CTNNA3: variants seen among roughly 807,000 people sequenced by gnomAD.
The protein encoded by CTNNA3 is catenin alpha 3, also known as catenin alpha-3.
In CTNNA3, 76 loss-of-function variants were observed where a neutral mutation model predicts 95.7. That is an observed-to-expected ratio of 0.79 (90% CI 0.66 to 0.96). The LOEUF is 0.96. CTNNA3 is among the 40% of genes least tolerant of loss of function. The pLI, the probability that CTNNA3 is intolerant of heterozygous loss-of-function variation, is 0.00. For missense variants in CTNNA3, 1,191 were observed against 1,089.8 expected, an observed-to-expected ratio of 1.09 and a Z score of -1.31; for synonymous variants, 431 against 374.4, an observed-to-expected ratio of 1.15 and a Z score of -1.74.
chr10:67,359,874 A>T (rs1446676534), intron 5 of CTNNA3, among the ~76,000 whole-genome samples: 2 of 152,128 alleles, frequency 1.3e-5, no homozygotes, highest in Non-Finnish European at 2.9e-5. Context: ...GCTAAACAAG[A>T]AGATCATTCT....
rs1291076974 is a variant in CTNNA3 at position 67,579,028 on chromosome 10, T to C, written c.292+27829A>G. Among the ~76,000 whole-genome samples, 636 of 84,514 alleles carry C rather than the reference T, an allele frequency of 7.5e-3. 11 individuals are homozygous for C. Among genetic ancestry groups the C allele is most frequent in the East Asian group, 0.05 (27 of 544 alleles). 55.4% of individuals were successfully genotyped at this position (84,514 alleles called of 152,430 possible). A position where few individuals can be genotyped will look rare whatever the true frequency, so the allele number is the denominator to read the frequency against. ...ATATATATATATATATATATATATA[T>C]ATATACACACACACACATATATGCA... On this transcript the variant is annotated intron_variant, in intron 3 of 17. Transcript: ENST00000433211.
At chr10:67,566,260 G>T (rs1484216052) in intron 3 of CTNNA3, among the ~76,000 whole-genome samples, 4 of 140,326 alleles carry the variant, frequency 2.9e-5, no homozygotes, top group African/African-American at 7.9e-5. Context: ...GAAAATTTTC[G>T]CAACCTACTC....
chr10:66,158,634 C>CT (rs754639305), intron 13 of CTNNA3, among the ~76,000 whole-genome samples: 12 of 151,914 alleles, frequency 7.9e-5, no homozygotes, highest in African/African-American at 1.5e-4. Flanking sequence ...TATGCAGGCT[C>CT]TTTTTTGGTT....
chr10:66,121,467 T>TACAC (rs5785750), intron 13 of CTNNA3, among the ~76,000 whole-genome samples: 7,403 of 151,300 alleles, frequency 0.049, 228 homozygotes, highest in African/African-American at 0.068. Flanking sequence ...ACAACATACA[T>TACAC]ACACACACAC....
chr10:67,660,641 T>C (rs1387095968), intron 1 of CTNNA3, among the ~76,000 whole-genome samples: 2 of 151,960 alleles, frequency 1.3e-5, no homozygotes, highest in Non-Finnish European at 2.9e-5. Flanking sequence ...ATAAGAGAAA[T>C]GCGAATTAAG....
intron 10 of CTNNA3, among the ~76,000 whole-genome samples, chr10:66,545,700 A>C (rs2132090562): frequency 6.6e-6 from 1 of 152,086 alleles, no homozygotes; most frequent in East Asian, 1.9e-4. Flanking sequence ...TGATATTGTC[A>C]ATCTTTTAAA....
intron 7 of CTNNA3, among the ~76,000 whole-genome samples, chr10:66,799,670 A>T (rs1841353383): frequency 6.6e-6 from 1 of 151,518 alleles, no homozygotes. Flanking sequence ...AGGAGAGTGT[A>T]GAGAAAATGA....
chr10:67,549,185 T>C (rs1239935281), intron 3 of CTNNA3, among the ~76,000 whole-genome samples: 1 of 152,132 alleles, frequency 6.6e-6, no homozygotes, highest in African/African-American at 2.4e-5. Context: ...TCAATGTGTA[T>C]GTATATGTAC....
chr10:66,553,436 A>G (rs1388957974), intron 10 of CTNNA3, among the ~76,000 whole-genome samples: 2 of 27,660 alleles, frequency 7.2e-5, no homozygotes, highest in East Asian at 2.2e-3. Flanking sequence ...GAAATGAAGC[A>G]TATCTTTTTT....
At chr10:67,222,390 C>T (rs1042889802) in intron 5 of CTNNA3, among the ~76,000 whole-genome samples, 11 of 152,152 alleles carry the variant, frequency 7.2e-5, no homozygotes, top group African/African-American at 2.4e-4. Context: ...TCATCTCTTT[C>T]GGTGTCTGTC....
At chr10:67,652,439 A>C (rs1839902829) in intron 1 of CTNNA3, among the ~76,000 whole-genome samples, 1 of 152,212 alleles carries the variant, frequency 6.6e-6, no homozygotes, top group South Asian at 2.1e-4. Flanking sequence ...ATGTACTTCA[A>C]CTAATTTAAA....
At chr10:66,330,533 G>A (rs1048221951) in intron 12 of CTNNA3, among the ~76,000 whole-genome samples, 3 of 152,004 alleles carry the variant, frequency 2.0e-5, no homozygotes, top group Non-Finnish European at 2.9e-5. Flanking sequence ...GTAAACATAC[G>A]TGTGCATGTG....
intron 10 of CTNNA3, among the ~76,000 whole-genome samples, chr10:66,534,003 A>G (rs1309901145): frequency 6.6e-6 from 1 of 152,160 alleles, no homozygotes; most frequent in African/African-American, 2.4e-5. Context: ...GTGCATATTC[A>G]ACAGCAAAGT....
At chr10:67,050,631 T>A (rs577220400) in intron 7 of CTNNA3, among the ~76,000 whole-genome samples, 1 of 152,206 alleles carries the variant, frequency 6.6e-6, no homozygotes, top group Non-Finnish European at 1.5e-5. Context: ...ACGCTGAGGC[T>A]GATGTGATTG....
At chr10:67,189,455 C>A (rs1259663998) in intron 6 of CTNNA3, among the ~76,000 whole-genome samples, 1 of 151,780 alleles carries the variant, frequency 6.6e-6, no homozygotes, top group Non-Finnish European at 1.5e-5. Flanking sequence ...TTGAAAATTG[C>A]TGAGAGTAGA....
At chr10:67,569,256 A>G (rs1034401475) in intron 3 of CTNNA3, among the ~76,000 whole-genome samples, 16 of 152,296 alleles carry the variant, frequency 1.1e-4, no homozygotes, top group African/African-American at 3.6e-4. Context: ...AGTGTCAACC[A>G]TTATGAGGTG....
At chr10:67,550,041 C>T (rs1840969693) in intron 3 of CTNNA3, among the ~76,000 whole-genome samples, 1 of 152,062 alleles carries the variant, frequency 6.6e-6, no homozygotes, top group African/African-American at 2.4e-5. Context: ...ACAAGGGTCT[C>T]CATTTTGATA....
At chr10:66,059,658 G>T (rs1162098142) in intron 15 of CTNNA3, among the ~76,000 whole-genome samples, 3 of 151,920 alleles carry the variant, frequency 2.0e-5, no homozygotes, top group African/African-American at 7.3e-5. Flanking sequence ...TCTCCACTGT[G>T]TTCACTGTAT....
chr10:66,622,709 AT>A (rs1844792424), intron 9 of CTNNA3, among the ~76,000 whole-genome samples: 2 of 152,132 alleles, frequency 1.3e-5, no homozygotes. Context: ...CAGTTGTTTT[AT>A]ACTTTAACGC....
Sources: allele counts gnomAD v4.1 joint callset (sites outside exome capture counted in the v4.1 genomes callset), GRCh38; gene constraint gnomAD v4.1.1; transcripts MANE v1.5; gene names NCBI Gene and HGNC (gene_info 2026-07-23, HGNC 2026-07-21).